The following JAK1 variants were observed in gnomAD, a reference collection of about 807,000 sequenced individuals.
JAK1 encodes Janus kinase 1, also known as tyrosine-protein kinase JAK1.
JAK1 carries 16 observed loss-of-function variants against 136.6 expected under a neutral mutation model. The ratio of observed to expected loss-of-function variants is 0.12; its 90% CI spans 0.08 to 0.18. The LOEUF is 0.18. Ranked by LOEUF, JAK1 falls within the 10% of genes least tolerant of loss-of-function variation. JAK1 has a pLI of 1.00. For missense variants in JAK1, 859 were observed against 1,450.1 expected, an observed-to-expected ratio of 0.59 and a Z score of 6.62; for synonymous variants, 492 against 519.5, an observed-to-expected ratio of 0.95 and a Z score of 0.72.
At chr1:65,067,629 CCCTT>C (rs1192966598) in exon 1 of JAK1, 1 of 149,342 alleles carries the variant, frequency 6.7e-6, no homozygotes, top group Non-Finnish European at 1.5e-5. Flanking sequence ...TCCCGGGCTC[CCCTT>C]CCTTTGTTCT....
chr1:64,931,942 G>A (rs1445213515), intron 1 of JAK1, among the ~76,000 whole-genome samples: 2 of 151,530 alleles, frequency 1.3e-5, no homozygotes, highest in Non-Finnish European at 2.9e-5. Flanking sequence ...AATGGATTTT[G>A]GCTCTAAAAA....
intron 1 of JAK1, among the ~76,000 whole-genome samples, chr1:64,949,726 T>C (rs931274313): frequency 6.6e-6 from 1 of 152,242 alleles, no homozygotes; most frequent in Non-Finnish European, 1.5e-5. Flanking sequence ...TAAGTTTCTG[T>C]TTAATTTTCC....
intron 1 of JAK1, among the ~76,000 whole-genome samples, chr1:64,922,847 T>C (rs1645518639): frequency 1.3e-5 from 2 of 152,194 alleles, no homozygotes; most frequent in African/African-American, 4.8e-5. Context: ...ATCCTGGCTC[T>C]GCCACTTATG....
rs534098308 is a variant in JAK1, at chr1:64,984,139, A to C, written c.-78+60341T>G. On this transcript the variant is annotated intron_variant, in intron 2 of 25. Coordinates refer to the JAK1 transcript ENST00000671954. This position sits in a 1 kb window ranked among gnomAD's most constrained non-coding sequence, Gnocchi z 4.1. ...ATAATATTTATGTAATTAAACCAGG[A>C]GGTAAAAATAAATAAAACTCAAGTT... 2.4e-3 allele frequency among the ~76,000 whole-genome samples: 365 copies of C among 152,354 alleles called. 2 individuals carry two copies. Among genetic ancestry groups the C allele is most frequent in the African/African-American group, 8.4e-3 (348 of 41,582 alleles).
chr1:64,906,485 AC>A (rs967509696), intron 1 of JAK1, among the ~76,000 whole-genome samples: 4 of 151,454 alleles, frequency 2.6e-5, no homozygotes, highest in African/African-American at 7.3e-5. Context: ...TAGAAGCAAA[AC>A]CCCCCAGCAG....
chr1:64,961,694 C>A (rs1425932953), intron 1 of JAK1, among the ~76,000 whole-genome samples: 1 of 152,060 alleles, frequency 6.6e-6, no homozygotes, highest in African/African-American at 2.4e-5. Context: ...TCTGCCTAGA[C>A]TTCCTTCCCA....
intron 1 of JAK1, among the ~76,000 whole-genome samples, chr1:64,887,821 T>C (rs1644874848): frequency 6.6e-6 from 1 of 152,052 alleles, no homozygotes. Context: ...GGGAAAAAGG[T>C]CCTATAGCAG....
In JAK1 at chr1:64,934,343, A is replaced by G. The variant is rs188937163; in HGVS notation, c.-78+31990T>C. Among the ~76,000 whole-genome samples, 1,058 of 152,338 alleles carry G rather than the reference A, an allele frequency of 6.9e-3. 5 individuals carry two copies. The highest frequency in any genetic ancestry group is 0.011 in the Non-Finnish European group (748 of 68,022). ...TAAGGCTGTAAGAACCTCTTGTCAC[A>G]GCTCTGAGAAGGGGAGACTGAAGGC... On this transcript the variant is annotated intron_variant, in intron 1 of 24. Transcript: ENST00000342505.
chr1:64,896,965 AT>A (rs1396415114), intron 1 of JAK1, among the ~76,000 whole-genome samples: 1 of 152,188 alleles, frequency 6.6e-6, no homozygotes, highest in African/African-American at 2.4e-5. Context: ...TTACAGGCTT[AT>A]TTTAAACTCT....
chr1:64,985,010 T>C, intron 2 of JAK1: 1 of 867,336 alleles, frequency 1.2e-6, no homozygotes, highest in Non-Finnish European at 2.0e-6. Flanking sequence ...AGACAAAGCT[T>C]ATCCCATTAC....
At chr1:64,949,876 C>T (rs1464964203) in intron 1 of JAK1, among the ~76,000 whole-genome samples, 1 of 151,970 alleles carries the variant, frequency 6.6e-6, no homozygotes, top group African/African-American at 2.4e-5. Context: ...TCTGTAAAAA[C>T]AGAAATAGCT....
chr1:64,886,095 GT>G lies in JAK1; in HGVS notation c.6+163del, dbSNP rs537659424. Among the ~76,000 whole-genome samples, 3 of 152,028 alleles carry G rather than the reference GT, an allele frequency of 2.0e-5. No homozygotes were observed. In the South Asian group the frequency reaches 6.3e-4, roughly 32 times the overall value. On this transcript the variant is annotated intron_variant, in intron 2 of 24. Transcript: ENST00000342505. ...TACCTCCTATACTTTTGTATTTGAG[GT>G]TTTTTTTAACCAGCATACTCAACAT...
chr1:64,838,416 A>ATTACC, intron 21 of JAK1, 49 bp downstream of exon 21: 1 of 1,596,676 alleles, frequency 6.3e-7, no homozygotes, highest in South Asian at 1.1e-5. Context: ...ATTACCCAGG[A>ATTACC]CAGAGTGCCT....
intron 1 of JAK1, among the ~76,000 whole-genome samples, chr1:64,901,992 G>C (rs928292307): frequency 6.6e-6 from 1 of 151,988 alleles, no homozygotes; most frequent in Non-Finnish European, 1.5e-5. Context: ...GGGCATTTAC[G>C]TTTTTTTAAA....
intron 12 of JAK1, 66 bp from the exon 13 acceptor site, chr1:64,847,741 G>A: frequency 6.4e-6 from 10 of 1,558,802 alleles, no homozygotes; most frequent in Non-Finnish European, 6.1e-6. Flanking sequence ...GTCTGGGAAT[G>A]GGTCCTCAAT....
chr1:64,910,754 G>A (rs1488151996), intron 1 of JAK1, among the ~76,000 whole-genome samples: 1 of 148,964 alleles, frequency 6.7e-6, no homozygotes, highest in Non-Finnish European at 1.5e-5. Flanking sequence ...TGACGCAGGA[G>A]AATAGTTTGA....
At chr1:64,871,077 C>A (rs1388989864) in intron 5 of JAK1, among the ~76,000 whole-genome samples, 1 of 152,196 alleles carries the variant, frequency 6.6e-6, no homozygotes, top group Non-Finnish European at 1.5e-5. Context: ...GCTATGGATA[C>A]ACAAAACTGG....
chr1:64,964,825 AC>A (rs1318641836), intron 1 of JAK1, among the ~76,000 whole-genome samples: 3 of 152,202 alleles, frequency 2.0e-5, no homozygotes, highest in African/African-American at 7.2e-5. Context: ...CTGGATCTAT[AC>A]AGGGGAGACA....
At position 64,864,768 on chromosome 1, in the gene JAK1, G is replaced by A. The variant is rs765092709; in HGVS notation, c.1176+19C>T. On this transcript the variant is annotated intron_variant, in intron 8 of 24. Transcript: ENST00000342505. ...CTCATCACCAGATCCAGACTTAAGA[G>A]CTTCTGGGACAAACTTACCATTTTC... 1 of 1,589,936 alleles carries A rather than the reference G, an allele frequency of 6.3e-7. No homozygotes were observed. The highest frequency in any genetic ancestry group is 8.6e-7 in the Non-Finnish European group (1 of 1,161,406).
Sources: allele counts gnomAD v4.1 joint callset (sites outside exome capture counted in the v4.1 genomes callset), GRCh38; gene constraint gnomAD v4.1.1; non-coding constraint Gnocchi (gnomAD v3.1); transcripts MANE v1.5; gene names NCBI Gene and HGNC (gene_info 2026-07-23, HGNC 2026-07-21).